The following PDE8B variants were observed in gnomAD, a reference collection of about 807,000 sequenced individuals.
PDE8B encodes phosphodiesterase 8B.
Under a neutral mutation model 101.3 loss-of-function variants are expected in PDE8B, and 26 were observed. That is an observed-to-expected ratio of 0.26 (90% confidence interval 0.19 to 0.36). The LOEUF is 0.36. PDE8B is among the 10% of genes least tolerant of loss of function. PDE8B has a pLI of 1.00. For synonymous variants in PDE8B, 424 were observed against 429.3 expected, an observed-to-expected ratio of 0.99 and a Z score of 0.15; for missense variants, 810 against 1,163.1, an observed-to-expected ratio of 0.70 and a Z score of 4.42.
intron 1 of PDE8B, among the ~76,000 whole-genome samples, chr5:77,254,858 G>A (rs539150237): frequency 1.3e-5 from 2 of 152,276 alleles, no homozygotes; most frequent in South Asian, 2.1e-4. Context: ...CTTCATTTGT[G>A]TATGCTCTCT....
At chr5:77,090,983 CCT>C in the PDE8B span, among the ~76,000 whole-genome samples, 384 of 152,126 alleles carry the variant, frequency 2.5e-3, 3 homozygotes, top group African/African-American at 9.0e-3. Flanking sequence ...TTTTGAGGAA[CCT>C]CTCTATACTA....
At chr5:77,374,961 A>G (rs1785786808) in intron 10 of PDE8B, among the ~76,000 whole-genome samples, 1 of 149,636 alleles carries the variant, frequency 6.7e-6, no homozygotes, top group Non-Finnish European at 1.5e-5. Context: ...AACCAGATAC[A>G]CACACACACA....
intron 6 of PDE8B, among the ~76,000 whole-genome samples, chr5:77,342,619 T>C (rs12188035): frequency 0.017 from 2,622 of 152,334 alleles, 38 homozygotes; most frequent in Non-Finnish European, 0.022. Context: ...ACAGTCAGTA[T>C]AAATAACAGA....
intron 1 of PDE8B, among the ~76,000 whole-genome samples, chr5:77,301,299 A>C (rs1186145980): frequency 6.6e-6 from 1 of 152,226 alleles, no homozygotes; most frequent in African/African-American, 2.4e-5. Context: ...TATAATTGAA[A>C]TCCACAGGAA....
chr5:77,343,782 A>G (rs1779642281), intron 6 of PDE8B, among the ~76,000 whole-genome samples: 2 of 151,958 alleles, frequency 1.3e-5, no homozygotes, highest in Admixed American at 6.6e-5. Flanking sequence ...TCTTAATAAC[A>G]TTTAGCTTAA....
chr5:77,108,413 A>G, the PDE8B span, among the ~76,000 whole-genome samples: 118,353 of 152,212 alleles, frequency 0.78, 46,832 homozygotes, highest in African/African-American at 0.93. Context: ...GGCCAGGCAC[A>G]TGGCTCATGC....
intron 6 of PDE8B, among the ~76,000 whole-genome samples, chr5:77,344,572 G>A (rs73767377): frequency 0.034 from 5,132 of 152,240 alleles, 273 homozygotes; most frequent in African/African-American, 0.11. Flanking sequence ...AAAGTGCAAG[G>A]GAGCTCACTG....
At chr5:77,113,889 T>C in the PDE8B span, 2 of 152,224 alleles carry the variant, frequency 1.3e-5, no homozygotes, top group Non-Finnish European at 2.9e-5. Context: ...AAGACATTTA[T>C]GCAGCCAACA....
intron 1 of PDE8B, chr5:77,290,828 C>G: frequency 6.6e-7 from 1 of 1,512,508 alleles, no homozygotes. Context: ...GAAATGTCTG[C>G]CTCTGGAAAG....
rs756625924 is a variant in PDE8B at position 77,381,400 on chromosome 5, A to G, written c.1168-18848A>G. On this transcript the variant is annotated intron_variant, in intron 10 of 21. Transcript: ENST00000264917. ...GATGACCCCTGGCTTGCATACTGAT[A>G]TATCTGGTGATTTAATTGTGAGTTC... 3.3e-5 allele frequency among the ~76,000 whole-genome samples: 5 copies of G among 152,314 alleles called. No individual in the cohort carries two copies. The East Asian group carries it at 9.6e-4, about 29-fold the overall frequency.
chr5:77,334,048 C>A (rs2150314513), intron 5 of PDE8B, among the ~76,000 whole-genome samples: 1 of 152,352 alleles, frequency 6.6e-6, no homozygotes, highest in South Asian at 2.1e-4. Context: ...TACTGTGGCA[C>A]ACCATCAGCT....
chr5:77,207,132 C>A (rs569079152), upstream of PDE8B, among the ~76,000 whole-genome samples: 1 of 152,322 alleles, frequency 6.6e-6, no homozygotes, highest in Non-Finnish European at 1.5e-5. Flanking sequence ...AATAGCTCCA[C>A]CATTAGGAAC....
rs561898519 is a variant in PDE8B, at chr5:77,411,532, T to C, written c.1531-144T>C. The C allele has an allele frequency of 2.7e-5, 19 of 700,078 alleles. No individual in the cohort carries two copies. The Admixed American group carries it at 2.9e-4, about 11-fold the overall frequency. The allele number at this position is 700,078 out of a possible 1,614,324, so 43.4% of individuals were successfully genotyped here. A position where few individuals can be genotyped will look rare whatever the true frequency, so the allele number is the denominator to read the frequency against. On this transcript the variant is annotated intron_variant, in intron 14 of 21. Transcript: ENST00000264917. ...ATCATCTGTCTTATAACTGTTGTGA[T>C]TTAATTTTGAGCTTTGCTTCAACTT...
intron 17 of PDE8B, among the ~76,000 whole-genome samples, 188 bp downstream of exon 17, chr5:77,413,497 C>G (rs1794952531): frequency 2.0e-5 from 3 of 152,070 alleles, no homozygotes; most frequent in African/African-American, 7.2e-5. Context: ...GCCAGCCCTC[C>G]CCTCCTCCAA....
chr5:77,155,842 T>A, the PDE8B span, among the ~76,000 whole-genome samples: 1 of 152,334 alleles, frequency 6.6e-6, no homozygotes, highest in South Asian at 2.1e-4. Context: ...GCTGGTGTTA[T>A]AAATTCAAGA....
At chr5:77,343,539 A>G (rs564165212) in intron 6 of PDE8B, among the ~76,000 whole-genome samples, 117 of 152,336 alleles carry the variant, frequency 7.7e-4, no homozygotes, top group Non-Finnish European at 1.4e-3. Context: ...GGCACTTAGC[A>G]TGAATGGAGC....
At chr5:77,129,486 A>T in the PDE8B span, among the ~76,000 whole-genome samples, 1 of 151,192 alleles carries the variant, frequency 6.6e-6, no homozygotes, top group East Asian at 2.0e-4. Flanking sequence ...GAGTGATCAC[A>T]TTTCTACCTT....
chr5:77,290,159 T>A, intron 1 of PDE8B: 2 of 1,367,214 alleles, frequency 1.5e-6, no homozygotes, highest in Non-Finnish European at 2.0e-6. Flanking sequence ...TGAATTCCAA[T>A]CTGGTCTTAC....
At chr5:77,381,488 G>A (rs1266777610) in intron 10 of PDE8B, among the ~76,000 whole-genome samples, 3 of 152,080 alleles carry the variant, frequency 2.0e-5, no homozygotes, top group Admixed American at 1.3e-4. Context: ...ACCTTCCCAC[G>A]GTGATTCTGA....
Sources: allele counts gnomAD v4.1 joint callset (sites outside exome capture counted in the v4.1 genomes callset), GRCh38; gene constraint gnomAD v4.1.1; transcripts MANE v1.5; gene names NCBI Gene and HGNC (gene_info 2026-07-23, HGNC 2026-07-21).